Variants in DNAH9 observed in about 807,000 individuals in gnomAD.
DNAH9 encodes DNAH9 variant protein.
A neutral mutation model predicts 471.6 loss-of-function variants in DNAH9; 345 were observed. The observed-to-expected ratio is 0.73, with a 90% CI of 0.67 to 0.80. DNAH9 has a LOEUF of 0.80. Among genes scored for constraint, DNAH9 ranks in the 30% least tolerant of loss-of-function variants. The probability of loss-of-function intolerance (pLI) is 0.00; values close to 1 mark genes in which losing one functional copy is unlikely to be tolerated. For missense variants in DNAH9, 5,407 were observed against 5,609.2 expected (o/e 0.96, Z 1.15); for synonymous variants, 2,093 against 2,123.6 (o/e 0.99, Z 0.40).
intron 11 of DNAH9, among the ~76,000 whole-genome samples, chr17:11,644,934 G>C (rs531454237): frequency 6.6e-6 from 1 of 152,346 alleles, no homozygotes; most frequent in South Asian, 2.1e-4. Context: ...TGCTGGGAGT[G>C]TGAACTAGAG....
At chr17:11,769,686 A>G (rs1968122062) in intron 38 of DNAH9, among the ~76,000 whole-genome samples, 1 of 152,198 alleles carries the variant, frequency 6.6e-6, no homozygotes, top group South Asian at 2.1e-4. Flanking sequence ...ATCTCTAGAG[A>G]TCATTTAATT....
intron 39 of DNAH9, among the ~76,000 whole-genome samples, chr17:11,781,991 GAAA>G (rs35521342): frequency 2.1e-5 from 3 of 141,378 alleles, no homozygotes; most frequent in Non-Finnish European, 3.1e-5. Context: ...AACTTACTAG[GAAA>G]AAAAAAAAAA....
At position 11,942,265 on chromosome 17, in the gene DNAH9, A is replaced by T. The variant is rs886082879; in HGVS notation, c.12661-38A>T. On this transcript the variant is annotated intron_variant, in intron 66 of 68. Coordinates refer to ENST00000262442, the MANE Select transcript of DNAH9 (RefSeq NM_001372.4). ...AAAATGGATTCCTTCTGGAGAATAG[A>T]GCCCTTTCTTAACGCTGTGTTTCCT... is the stretch of plus-strand genomic sequence containing the variant. 1.9e-6 allele frequency: 3 copies of T among 1,602,008 alleles called. No individual in the cohort carries two copies. In the African/African-American group the frequency reaches 4.0e-5, roughly 21 times the overall value.
intron 36 of DNAH9, among the ~76,000 whole-genome samples, chr17:11,766,891 C>A (rs1467880179): frequency 1.3e-5 from 2 of 151,742 alleles, no homozygotes; most frequent in Admixed American, 1.3e-4. Context: ...ACAGCTTGGA[C>A]CCGGGAGGCA....
intron 28 of DNAH9, among the ~76,000 whole-genome samples, chr17:11,736,254 G>A (rs957329125): frequency 1.3e-4 from 20 of 152,078 alleles, no homozygotes; most frequent in African/African-American, 3.4e-4. Context: ...ATCGTCCCTC[G>A]TACATATTAA....
At chr17:11,922,314 ATTTTTATTAT>A (rs1234004102) in intron 61 of DNAH9, among the ~76,000 whole-genome samples, 4 of 152,072 alleles carry the variant, frequency 2.6e-5, no homozygotes, top group African/African-American at 9.7e-5. Flanking sequence ...TTAAGTATGG[ATTTTTATTAT>A]TTCTTTTTCG....
chr17:11,699,597 A>G, intron 22 of DNAH9, 134 bp from the exon 23 acceptor site: 1 of 742,328 alleles, frequency 1.3e-6, no homozygotes, highest in Non-Finnish European at 2.3e-6. Context: ...TGTTCCCACA[A>G]ACTTCCTTCT....
In DNAH9 at chr17:11,727,880, T is replaced by C. The variant is rs2075183354; in HGVS notation, c.5772T>C (p.Phe1924=). The change falls in exon 28 of 69, where the codon TTT becomes TTC. Residue 1924 remains phenylalanine, a synonymous_variant. Coordinates refer to ENST00000262442, the MANE Select transcript of DNAH9 (RefSeq NM_001372.4). ...GTGCCTGGGGCTGCTTTGATGAGTT[T>C]AATCGAATCTCCGTGGAGGTCTTGT... ...QTGAWGCFDE[F]NRISVEVLSV... is the part of the protein sequence containing the mutation. The C allele has an allele frequency of 2.5e-6, 4 of 1,614,172 alleles. No individual in the cohort carries two copies. The highest frequency in any genetic ancestry group is 3.4e-6 in the Non-Finnish European group (4 of 1,179,984).
chr17:11,806,090 TTCCAAAAACATTTC>T (rs368588336), intron 43 of DNAH9, among the ~76,000 whole-genome samples: 18 of 152,326 alleles, frequency 1.2e-4, no homozygotes, highest in African/African-American at 4.3e-4. Context: ...TTGTCTCTTC[TTCCAAAAACATTTC>T]TCTAAAGCAG....
At chr17:11,629,293 C>T (rs1041817946) in intron 6 of DNAH9, 124 bp from the exon 7 acceptor site, 22 of 576,262 alleles carry the variant, frequency 3.8e-5, no homozygotes, top group Non-Finnish European at 5.7e-5. Context: ...GTTCCCCTTC[C>T]TGTGTCCATG....
intron 61 of DNAH9, among the ~76,000 whole-genome samples, chr17:11,913,069 G>A (rs747525488): frequency 6.6e-6 from 1 of 152,174 alleles, no homozygotes; most frequent in Non-Finnish European, 1.5e-5. Context: ...TTGGGAGGCT[G>A]AGGCAAGAGA....
intron 67 of DNAH9, among the ~76,000 whole-genome samples, chr17:11,945,564 G>A (rs1041623120): frequency 2.0e-5 from 3 of 150,518 alleles, no homozygotes; most frequent in African/African-American, 4.9e-5. Flanking sequence ...TCACTTTAAA[G>A]TTCTGGGACT....
intron 49 of DNAH9, among the ~76,000 whole-genome samples, chr17:11,849,074 G>C (rs914474654): frequency 1.3e-5 from 2 of 152,156 alleles, no homozygotes; most frequent in African/African-American, 4.8e-5. Flanking sequence ...CTGACCTCGT[G>C]ATCCACCTGC....
At chr17:11,872,954 G>A (rs1415125467) in intron 52 of DNAH9, among the ~76,000 whole-genome samples, 4 of 152,144 alleles carry the variant, frequency 2.6e-5, no homozygotes, top group Non-Finnish European at 5.9e-5. Flanking sequence ...CAGTGAGGGT[G>A]AAAGTCAGCC....
chr17:11,654,348 T>C (rs1191024748), intron 14 of DNAH9, among the ~76,000 whole-genome samples: 3 of 2,488 alleles, frequency 1.2e-3, no homozygotes, highest in East Asian at 0.018. Flanking sequence ...AGAGCGAGAC[T>C]CCGTCTCAAA....
At chr17:11,920,122 T>G (rs1213090996) in intron 61 of DNAH9, among the ~76,000 whole-genome samples, 1 of 150,688 alleles carries the variant, frequency 6.6e-6, no homozygotes, top group Admixed American at 6.6e-5. Flanking sequence ...CCACAACCTC[T>G]GCCTCCCAGG....
At chr17:11,765,997 T>C (rs1967920882) in intron 36 of DNAH9, among the ~76,000 whole-genome samples, 1 of 152,110 alleles carries the variant, frequency 6.6e-6, no homozygotes, top group African/African-American at 2.4e-5. Context: ...CTCAAGCCTT[T>C]TAAAAGCCCC....
chr17:11,738,858 C>T lies in DNAH9; in HGVS notation c.5815-22C>T, dbSNP rs16940752. 28,768 of 1,610,970 alleles carry T rather than the reference C, an allele frequency of 0.018. 451 individuals carry two copies. Among genetic ancestry groups the T allele is most frequent in the East Asian group, 0.078 (3,485 of 44,834 alleles). ...ACTAAAAGGCAATTGAGGAATTTCT[C>T]GCTGATTGATTGGTTCACCAGGTAA... On this transcript the variant is annotated intron_variant, in intron 28 of 68. Coordinates refer to ENST00000262442, the MANE Select transcript of DNAH9 (RefSeq NM_001372.4).
intron 67 of DNAH9, among the ~76,000 whole-genome samples, chr17:11,947,772 A>ATTT (rs71367359): frequency 2.8e-4 from 30 of 108,320 alleles, no homozygotes; most frequent in African/African-American, 3.1e-4. Flanking sequence ...GCTGGGAACT[A>ATTT]TTTTTTTTTT....
Sources: gnomAD v4.1 joint callset for allele counts (sites outside exome capture counted in the v4.1 genomes callset) on GRCh38, gnomAD v4.1.1 for gene constraint, MANE v1.5 for transcripts, NCBI Gene and HGNC (gene_info 2026-07-23, HGNC 2026-07-21) for gene names.